Variants in B4GALNT3 observed in about 807,000 individuals in gnomAD.
The protein encoded by B4GALNT3 is beta-1,4-N-acetyl-galactosaminyltransferase 3.
B4GALNT3 carries 86 observed loss-of-function variants against 120.2 expected under a neutral mutation model. The observed-to-expected ratio is 0.72, with a 90% CI of 0.60 to 0.86. B4GALNT3 has a LOEUF of 0.86. Among genes scored for constraint, B4GALNT3 ranks in the 40% least tolerant of loss-of-function variants. B4GALNT3 has a pLI of 0.00. For missense variants in B4GALNT3, 1,167 were observed against 1,298.9 expected (o/e 0.90, Z 1.56); for synonymous variants, 518 against 510.4 (o/e 1.01, Z -0.20).
At chr12:497,115 G>A (rs564742939) in intron 1 of B4GALNT3, among the ~76,000 whole-genome samples, 3 of 152,142 alleles carry the variant, frequency 2.0e-5, no homozygotes, top group East Asian at 1.9e-4. Flanking sequence ...GATTACAGGC[G>A]TGGGCCATCG....
chr12:537,657 G>A (rs903375114), intron 3 of B4GALNT3, among the ~76,000 whole-genome samples: 11 of 152,164 alleles, frequency 7.2e-5, no homozygotes, highest in African/African-American at 2.7e-4. Context: ...CAAGATTTCC[G>A]AGTAGCACGG....
At chr12:468,552 A>G (rs1196791919) in intron 1 of B4GALNT3, among the ~76,000 whole-genome samples, 1 of 152,138 alleles carries the variant, frequency 6.6e-6, no homozygotes, top group Admixed American at 6.5e-5. Flanking sequence ...CTACCGAGAG[A>G]ACAGCCGAGA....
rs143129072 is a variant in B4GALNT3 at position 518,970 on chromosome 12, C to T, written c.170-16196C>T. ...GAAAATCTAGCTTGTTGTCTGCCCA[C>T]GTGGCTTCTTCTTTAAAGTCTCTTT... On this transcript the variant is annotated intron_variant, in intron 1 of 19. Transcript: ENST00000266383. 2.6e-5 allele frequency among the ~76,000 whole-genome samples: 4 copies of T among 152,336 alleles called. 1 individual carries two copies. Among genetic ancestry groups the T allele is most frequent in the South Asian group, 4.1e-4 (2 of 4,830 alleles).
At chr12:503,218 C>T (rs2120544512) in intron 1 of B4GALNT3, among the ~76,000 whole-genome samples, 1 of 152,308 alleles carries the variant, frequency 6.6e-6, no homozygotes. Flanking sequence ...CAGTGACTCA[C>T]ATGACCACAG....
intron 1 of B4GALNT3, among the ~76,000 whole-genome samples, chr12:468,569 C>T (rs953095837): frequency 1.1e-4 from 17 of 152,106 alleles, no homozygotes; most frequent in African/African-American, 3.1e-4. Flanking sequence ...GAGAGACTGG[C>T]CAGGAAGGCC....
At chr12:498,266 A>T (rs548859778) in intron 1 of B4GALNT3, among the ~76,000 whole-genome samples, 77 of 152,092 alleles carry the variant, frequency 5.1e-4, no homozygotes, top group Admixed American at 1.6e-3. Flanking sequence ...CTGAGAGGTG[A>T]TTTTGAATGA....
At chr12:462,868 G>A (rs1946035344) in intron 1 of B4GALNT3, among the ~76,000 whole-genome samples, 1 of 152,110 alleles carries the variant, frequency 6.6e-6, no homozygotes, top group Non-Finnish European at 1.5e-5. Context: ...TTTTCCTATA[G>A]GTTTCATTCT....
chr12:468,912 G>T (rs1946109179), intron 1 of B4GALNT3, among the ~76,000 whole-genome samples: 1 of 152,220 alleles, frequency 6.6e-6, no homozygotes, highest in Admixed American at 6.5e-5. Flanking sequence ...CCCACAAATG[G>T]ACGAGAATAG....
rs574405780 is a variant in B4GALNT3 at position 523,872 on chromosome 12, C to T, written c.170-11294C>T. On this transcript the variant is annotated intron_variant, in intron 1 of 19. Coordinates refer to ENST00000266383, the MANE Select transcript of B4GALNT3 (RefSeq NM_173593.4). ...GGTCAGGAGTTCGAGACCAGCCTGG[C>T]CAAATAGTGAAACCCCGTCTCTACT... is the stretch of plus-strand genomic sequence containing the variant. Among the ~76,000 whole-genome samples the T allele has an allele frequency of 2.0e-5, 3 of 152,110 alleles. No homozygotes were observed. The South Asian group carries it at 6.2e-4, about 32-fold the overall frequency.
chr12:548,409 T>G lies in B4GALNT3; in HGVS notation c.853+112T>G, dbSNP rs1246181544. 10 of 986,054 alleles carry G rather than the reference T, an allele frequency of 1.0e-5. No individual in the cohort carries two copies. The African/African-American group carries it at 1.3e-4, about 13-fold the overall frequency. The allele number at this position is 986,054 out of a possible 1,614,324, so 61.1% of individuals were successfully genotyped here. On this transcript the variant is annotated intron_variant, in intron 9 of 19. Transcript: ENST00000266383. This position sits in a 1 kb window ranked among gnomAD's most constrained non-coding sequence, Gnocchi z 4.9. ...GGGGAGGAAGGAAGCTCGAGATGCTTGGGACACGGGTATGAAGGGGTCCAG... is the reference window on the plus strand; with the variant it reads ...GGGGAGGAAGGAAGCTCGAGATGCTGGGGACACGGGTATGAAGGGGTCCAG...
At chr12:555,193 GAAAGA>G in intron 14 of B4GALNT3, 2 of 331,106 alleles carry the variant, frequency 6.0e-6, no homozygotes, top group Non-Finnish European at 1.2e-5. Flanking sequence ...AAAAGAAAAA[GAAAGA>G]AAAAAAAAAA....
chr12:472,355 G>C (rs1292247457), intron 1 of B4GALNT3, among the ~76,000 whole-genome samples: 3 of 152,128 alleles, frequency 2.0e-5, no homozygotes, highest in Non-Finnish European at 4.4e-5. Flanking sequence ...ATCATGGCTC[G>C]CTGCAGTCTC....
At chr12:521,847 G>A (rs1592039283) in intron 1 of B4GALNT3, among the ~76,000 whole-genome samples, 1 of 152,234 alleles carries the variant, frequency 6.6e-6, no homozygotes, top group African/African-American at 2.4e-5. Flanking sequence ...TTCCATGGGA[G>A]CAGGTAACTT....
chr12:523,845 G>C (rs145350908), intron 1 of B4GALNT3, among the ~76,000 whole-genome samples: 1 of 152,076 alleles, frequency 6.6e-6, no homozygotes, highest in Non-Finnish European at 1.5e-5. Context: ...GGCGGCTCAC[G>C]AGGTCAGGAG....
chr12:532,653 C>T (rs146040834), intron 1 of B4GALNT3, among the ~76,000 whole-genome samples: 123 of 151,888 alleles, frequency 8.1e-4, no homozygotes, highest in African/African-American at 2.9e-3. Flanking sequence ...TGTTAGGGGG[C>T]GGGGGGTTCT....
intron 1 of B4GALNT3, among the ~76,000 whole-genome samples, chr12:507,994 G>C (rs1946514458): frequency 6.6e-6 from 1 of 152,234 alleles, no homozygotes; most frequent in Non-Finnish European, 1.5e-5. Context: ...GTGGACACCT[G>C]TCAGGAGTGC....
chr12:499,384 T>G (rs1489807296), intron 1 of B4GALNT3, among the ~76,000 whole-genome samples: 1 of 151,008 alleles, frequency 6.6e-6, no homozygotes. Context: ...GAGCCCGTGC[T>G]CTCACTATCT....
At position 556,517 on chromosome 12, in the gene B4GALNT3, C is replaced by T. The variant is rs73592402; in HGVS notation, c.2061-30C>T. On this transcript the variant is annotated intron_variant, in intron 14 of 19. Transcript: ENST00000266383. ...CTACCCTCCCAGTGTGGAAAGGAACCACTCAGCCTCCCCACACTTTCTGCC... is the reference window on the plus strand; with the variant it reads ...CTACCCTCCCAGTGTGGAAAGGAACTACTCAGCCTCCCCACACTTTCTGCC... The T allele has an allele frequency of 4.9e-3, 7,759 of 1,588,034 alleles. 84 individuals are homozygous for T. The highest frequency in any genetic ancestry group is 0.043 in the African/African-American group (3,213 of 74,630).
intron 1 of B4GALNT3, among the ~76,000 whole-genome samples, chr12:491,832 G>A (rs1424305255): frequency 6.6e-6 from 1 of 151,886 alleles, no homozygotes; most frequent in African/African-American, 2.4e-5. Context: ...GAGGTGGGCA[G>A]ATCACGAGGT....
Sources: allele counts gnomAD v4.1 joint callset (sites outside exome capture counted in the v4.1 genomes callset), GRCh38; gene constraint gnomAD v4.1.1; non-coding constraint Gnocchi (gnomAD v3.1); transcripts MANE v1.5; gene names NCBI Gene and HGNC (gene_info 2026-07-23, HGNC 2026-07-21).